The following TOP3B variants were observed in gnomAD, a reference collection of about 807,000 sequenced individuals.
The protein encoded by TOP3B is DNA topoisomerase 3-beta-1.
A neutral mutation model predicts 93.9 loss-of-function variants in TOP3B; 45 were observed. That is an observed-to-expected ratio of 0.48 (90% confidence interval 0.38 to 0.61). TOP3B has a LOEUF of 0.61. TOP3B is among the 20% of genes least tolerant of loss of function. The pLI is 0.00. For missense variants in TOP3B, 750 were observed against 1,156.1 expected (o/e 0.65, Z 5.09); for synonymous variants, 357 against 472.6 (o/e 0.76, Z 3.17).
intron 1 of TOP3B, chr22:21,976,535 T>G (rs1403086394): frequency 6.6e-6 from 1 of 152,282 alleles, no homozygotes; most frequent in African/African-American, 2.4e-5. Flanking sequence ...TGCAGCTGGA[T>G]GGCCCACAGG....
intron 16 of TOP3B, 117 bp downstream of exon 16, chr22:21,959,015 G>A: frequency 6.8e-7 from 1 of 1,459,978 alleles, no homozygotes; most frequent in Middle Eastern, 1.8e-4. Context: ...GCCTCTTTAT[G>A]TTCCATCATT....
At position 21,974,477 on chromosome 22, in the gene TOP3B, A is replaced by G; in HGVS notation, c.82T>C (p.Ser28Pro). Residue 28 changes from serine (S) to proline (P), a missense_variant, in exon 3 of 18, where the codon TCA becomes CCA. Ser to Pro is a moderately conservative substitution (Grantham distance 74). Coordinates refer to ENST00000357179, the MANE Select transcript of TOP3B (RefSeq NM_001282112.2). ...AKILSRGSLS[S>P]HKGLNGACSV... ...CAGGCCCCGTTCAGCCCTTTGTGTG[A>G]GGACAGGCTCCCTGGGGATGAGGAA... 6.2e-7 allele frequency: 1 copy of G among 1,610,092 alleles called. No individual in the cohort carries two copies. The highest frequency in any genetic ancestry group is 8.5e-7 in the Non-Finnish European group (1 of 1,177,794).
chr22:21,970,813 T>G lies in TOP3B; in HGVS notation c.385-407A>C. ...TTCCCTGCCTTCTAGGAGGGAGGGT[T>G]TGGAGGGGTGGGTGGAAATTTTAAG... On this transcript the variant is annotated intron_variant, in intron 5 of 17. Transcript: ENST00000357179. The surrounding 1 kb of genome is among the most constrained non-coding windows in gnomAD (Gnocchi z 4.4). 2 of 306,232 alleles carry G rather than the reference T, an allele frequency of 6.5e-6. No individual in the cohort carries two copies. Among genetic ancestry groups the G allele is most frequent in the Non-Finnish European group, 1.2e-5 (2 of 164,896 alleles). The allele number at this position is 306,232 out of a possible 1,614,324, so 19.0% of individuals were successfully genotyped here.
Position 21,963,926 on chromosome 22 carries a change from A to G in TOP3B, c.1201T>C (p.Leu401=), listed in dbSNP as rs754799797. The G allele has an allele frequency of 1.9e-6, 3 of 1,613,428 alleles. No individual in the cohort carries two copies. The South Asian group carries it at 3.3e-5, about 18-fold the overall frequency. ...TPMKSATEAE[L]GGDAWRLYEY... ...GGGTATGGGATGAGAGCGGTACCTA[A>G]TTCGGCCTCTGTGGCAGACTTCATG... The change falls in exon 11 of 18, where the codon TTA becomes CTA. Residue 401 remains leucine, a synonymous_variant. Coordinates refer to ENST00000357179, the MANE Select transcript of TOP3B (RefSeq NM_001282112.2). This position sits in a 1 kb window ranked among gnomAD's most constrained non-coding sequence, Gnocchi z 4.8.
At position 21,974,540 on chromosome 22, in the gene TOP3B, C is replaced by G. The variant is rs896477517; in HGVS notation, c.71-52G>C. 6.6e-6 allele frequency: 10 copies of G among 1,526,242 alleles called. No homozygotes were observed. The African/African-American group carries it at 1.2e-4, about 19-fold the overall frequency. 94.5% of individuals were successfully genotyped at this position (1,526,242 alleles called of 1,614,324 possible). The stretch of plus-strand genomic sequence containing the variant: ...TGGCTGCTTCAGCTGAGCTGAAGAC[C>G]CTGTGGAGACCCCAGCCCGGATGCC... On this transcript the variant is annotated intron_variant, in intron 2 of 17. Transcript: ENST00000357179.
chr22:21,968,520 C>A, intron 7 of TOP3B, 99 bp downstream of exon 7: 1 of 1,500,090 alleles, frequency 6.7e-7, no homozygotes, highest in Non-Finnish European at 9.1e-7. Context: ...ACACTTCTGC[C>A]CTCAGCCCGG....
At chr22:21,965,978 G>C (rs2071400664) in intron 8 of TOP3B, 1 of 152,326 alleles carries the variant, frequency 6.6e-6, no homozygotes. Context: ...CTGTAGCCCT[G>C]AACTCCTGGG....
chr22:21,962,038 G>C (rs1197779470), intron 13 of TOP3B: 1 of 1,007,348 alleles, frequency 9.9e-7, no homozygotes, highest in Non-Finnish European at 1.3e-6. Context: ...CAGCTCCTGT[G>C]AGATCTCATT....
chr22:21,975,553 G>C, intron 2 of TOP3B, 87 bp downstream of exon 2: 1 of 1,426,512 alleles, frequency 7.0e-7, no homozygotes. Flanking sequence ...ATCTACCCCA[G>C]CCAGGGTGGA....
chr22:21,979,941 C>CAAAAAA (rs57880095), intron 1 of TOP3B, among the ~76,000 whole-genome samples: 1 of 53,432 alleles, frequency 1.9e-5, no homozygotes, highest in Non-Finnish European at 3.5e-5. Context: ...ACTCCATCTC[C>CAAAAAA]AAAAAAAAAA....
chr22:21,968,782 G>A lies in TOP3B; in HGVS notation c.582-7C>T, dbSNP rs1288133504. Reference sequence around the variant, plus strand: ...GAAATATTTAGTCTGAAACCTGGAGGGAGTGGAAAGATATTTTGGTCACTG... The same window carrying A: ...GAAATATTTAGTCTGAAACCTGGAGAGAGTGGAAAGATATTTTGGTCACTG... On this transcript the variant is annotated splice_polypyrimidine_tract_variant and splice_region_variant and intron_variant, in intron 6 of 17. Coordinates refer to ENST00000357179, the MANE Select transcript of TOP3B (RefSeq NM_001282112.2). 5 of 1,613,862 alleles carry A rather than the reference G, an allele frequency of 3.1e-6. No individual in the cohort carries two copies. The highest frequency in any genetic ancestry group is 4.2e-6 in the Non-Finnish European group (5 of 1,179,930).
chr22:21,974,739 G>A (rs926857612), intron 2 of TOP3B: 1 of 347,566 alleles, frequency 2.9e-6, no homozygotes. Flanking sequence ...CGGGAGCCAG[G>A]AGCAGGCAGG....
At chr22:21,972,371 C>A in intron 4 of TOP3B, 1 of 484,974 alleles carries the variant, frequency 2.1e-6, no homozygotes, top group Non-Finnish European at 3.6e-6. Flanking sequence ...CCCGACCAAA[C>A]AAGCTATTTT....
chr22:21,963,052 G>T lies in TOP3B; in HGVS notation c.1205-159C>A. ...AAGGAGGAAAGAAAATGTGCAGGAA[G>T]GCCGGGCGTGGTGGCTCATGCCTGT... On this transcript the variant is annotated intron_variant, in intron 11 of 17. Coordinates refer to ENST00000357179, the MANE Select transcript of TOP3B (RefSeq NM_001282112.2). The surrounding 1 kb of genome is among the most constrained non-coding windows in gnomAD (Gnocchi z 4.8). The T allele has an allele frequency of 1.2e-6, 1 of 850,870 alleles. No individual in the cohort carries two copies. Among genetic ancestry groups the T allele is most frequent in the Non-Finnish European group, 1.8e-6 (1 of 544,846 alleles). 52.7% of individuals were successfully genotyped at this position (850,870 alleles called of 1,614,324 possible).
Position 21,968,663 on chromosome 22 carries a change from T to A in TOP3B, c.694A>T (p.Ile232Phe), listed in dbSNP as rs759693292. 6 of 1,614,178 alleles carry A rather than the reference T, an allele frequency of 3.7e-6. No homozygotes were observed. The highest frequency in any genetic ancestry group is 1.6e-4 in the Middle Eastern group (1 of 6,062). The change falls in exon 7 of 18, where the codon ATC (isoleucine) becomes TTC (phenylalanine). Residue 232 changes from isoleucine to phenylalanine, a missense_variant. Around this residue, in one of 4 missense-constraint regions of TOP3B, gnomAD observed 737 missense variants for 933.7 expected, o/e 0.79. Coordinates refer to ENST00000357179, the MANE Select transcript of TOP3B (RefSeq NM_001282112.2). ...TAGGTCTCTGGTTTGAAGGACTGGA[T>A]TTTATCATGTCTCTCCACACAGAAT... ...LGFCVERHDKIQSFKPETYWV... is the reference protein window; with the variant it reads ...LGFCVERHDKFQSFKPETYWV...
intron 1 of TOP3B, chr22:21,977,541 A>G (rs553607323): frequency 1.3e-4 from 20 of 151,992 alleles, no homozygotes; most frequent in Admixed American, 1.3e-3. Context: ...ACAAAAAAAA[A>G]AAAAAAAAAA....
intron 2 of TOP3B, 31 bp downstream of exon 2, chr22:21,975,609 T>C (rs369421129): frequency 7.4e-5 from 118 of 1,584,036 alleles, no homozygotes; most frequent in Non-Finnish European, 9.7e-5. Context: ...CGACCGTGCT[T>C]ACAGACCAAA....
chr22:21,958,863 C>T, intron 16 of TOP3B, 170 bp from the exon 17 acceptor site: 1 of 1,227,998 alleles, frequency 8.1e-7, no homozygotes, highest in Non-Finnish European at 1.1e-6. Context: ...GCAGAAAAGG[C>T]AGTTCTAAAA....
chr22:21,981,670 G>A (rs893771247), intron 1 of TOP3B, among the ~76,000 whole-genome samples: 4 of 152,204 alleles, frequency 2.6e-5, no homozygotes, highest in African/African-American at 9.6e-5. Flanking sequence ...GGTGGCGCAT[G>A]CCTGTAATCC....
Sources: gnomAD v4.1 joint callset for allele counts (sites outside exome capture counted in the v4.1 genomes callset) on GRCh38, gnomAD v4.1.1 for gene constraint, gnomAD v4.1.1 regional missense constraint, Gnocchi (gnomAD v3.1) non-coding constraint, MANE v1.5 for transcripts, NCBI Gene and HGNC (gene_info 2026-07-23, HGNC 2026-07-21) for gene names.